GRIK3: variants seen among roughly 807,000 people sequenced by gnomAD.
GRIK3 encodes glutamate ionotropic receptor kainate type subunit 3.
Under a neutral mutation model 102.5 loss-of-function variants are expected in GRIK3, and 29 were observed. The ratio of observed to expected loss-of-function variants is 0.28; its 90% CI spans 0.21 to 0.39. The LOEUF is 0.39. Among genes scored for constraint, GRIK3 ranks in the 10% least tolerant of loss-of-function variants. The probability of loss-of-function intolerance (pLI) is 1.00; values close to 1 mark genes in which losing one functional copy is unlikely to be tolerated. For missense variants in GRIK3, 908 were observed against 1,252.4 expected, an observed-to-expected ratio of 0.73 and a Z score of 4.15; for synonymous variants, 511 against 504.9, an observed-to-expected ratio of 1.01 and a Z score of -0.16.
At chr1:37,020,539 G>A (rs1478649404) in intron 1 of GRIK3, among the ~76,000 whole-genome samples, 10 of 152,056 alleles carry the variant, frequency 6.6e-5, no homozygotes, top group Admixed American at 5.9e-4. Flanking sequence ...TGTGACATTT[G>A]ACAATGGAAT....
chr1:36,985,267 T>A (rs1642292184), intron 1 of GRIK3, among the ~76,000 whole-genome samples: 1 of 152,118 alleles, frequency 6.6e-6, no homozygotes. Flanking sequence ...GACCCTGCCT[T>A]GCCCCCTCCT....
intron 1 of GRIK3, among the ~76,000 whole-genome samples, chr1:36,948,077 C>T (rs1641804046): frequency 2.0e-5 from 3 of 152,188 alleles, no homozygotes; most frequent in Admixed American, 6.5e-5. Flanking sequence ...GCTGTCGGTT[C>T]TTTAAATAAG....
chr1:36,957,137 G>T (rs1312440383), intron 1 of GRIK3, among the ~76,000 whole-genome samples: 1 of 152,244 alleles, frequency 6.6e-6, no homozygotes, highest in Non-Finnish European at 1.5e-5. Flanking sequence ...ACCCTCATCA[G>T]ATTGGCTGAT....
At chr1:36,849,404 G>A (rs1325674940) in intron 9 of GRIK3, among the ~76,000 whole-genome samples, 1 of 152,210 alleles carries the variant, frequency 6.6e-6, no homozygotes, top group South Asian at 2.1e-4. Context: ...CTTTTGTGTA[G>A]AGGAATGACC....
chr1:36,913,004 C>T (rs529290140), intron 1 of GRIK3, among the ~76,000 whole-genome samples: 19 of 152,326 alleles, frequency 1.2e-4, no homozygotes, highest in African/African-American at 3.4e-4. Context: ...TTCTCAAGCC[C>T]TCCGCTACCC....
intron 1 of GRIK3, among the ~76,000 whole-genome samples, chr1:36,941,782 C>A (rs1036825226): frequency 6.6e-6 from 1 of 152,198 alleles, no homozygotes; most frequent in Non-Finnish European, 1.5e-5. Context: ...AACTGAGATG[C>A]ATCCATTGAT....
At chr1:36,853,798 A>G in intron 7 of GRIK3, 76 bp from the exon 8 acceptor site, 1 of 823,052 alleles carries the variant, frequency 1.2e-6, no homozygotes, top group South Asian at 1.4e-5. Flanking sequence ...ACAATGCTTC[A>G]TTTTAATTAC....
chr1:36,992,555 G>A (rs773407395), intron 1 of GRIK3, among the ~76,000 whole-genome samples: 1 of 152,206 alleles, frequency 6.6e-6, no homozygotes, highest in Admixed American at 6.5e-5. Context: ...GCTGTTAAAG[G>A]GGAAGGCAAA....
intron 1 of GRIK3, among the ~76,000 whole-genome samples, chr1:36,958,441 C>CT (rs1641953020): frequency 9.8e-6 from 1 of 101,564 alleles, no homozygotes; most frequent in Non-Finnish European, 2.0e-5. Context: ...CTCTGTGCCC[C>CT]GAGTCTGTGT....
At chr1:36,888,432 T>C (rs1282240894) in intron 2 of GRIK3, among the ~76,000 whole-genome samples, 1 of 152,152 alleles carries the variant, frequency 6.6e-6, no homozygotes, top group Non-Finnish European at 1.5e-5. Flanking sequence ...ATGGTCTATA[T>C]CTTGATTTGG....
intron 1 of GRIK3, among the ~76,000 whole-genome samples, chr1:37,024,895 G>T (rs2124083244): frequency 1.3e-5 from 2 of 152,200 alleles, no homozygotes; most frequent in Middle Eastern, 6.8e-3. Flanking sequence ...CTTCGTTTTT[G>T]CCAGGCATGT....
Position 36,806,389 on chromosome 1 carries a change from G to T in GRIK3, c.2092-63C>A. On this transcript the variant is annotated intron_variant, in intron 13 of 15. Coordinates refer to ENST00000373091, the MANE Select transcript of GRIK3 (RefSeq NM_000831.4). This position sits in a 1 kb window ranked among gnomAD's most constrained non-coding sequence, Gnocchi z 4.0. ...CTAGGCGCACCAGGGACCAAGCACC[G>T]CATACCCTGCACAACGTGGGTTGGG... is the stretch of plus-strand genomic sequence containing the variant. 1.0e-6 allele frequency: 1 copy of T among 980,666 alleles called. No homozygotes were observed. Among genetic ancestry groups the T allele is most frequent in the Non-Finnish European group, 1.6e-6 (1 of 637,024 alleles). 60.7% of individuals were successfully genotyped at this position (980,666 alleles called of 1,614,324 possible).
intron 1 of GRIK3, among the ~76,000 whole-genome samples, chr1:36,930,280 C>T (rs1233428880): frequency 2.6e-5 from 4 of 152,102 alleles, no homozygotes; most frequent in Non-Finnish European, 5.9e-5. Flanking sequence ...TAGGTGTGTG[C>T]ACCCTCTTCA....
chr1:36,801,695 G>T lies in GRIK3; in HGVS notation c.*156C>A, dbSNP rs1258509066. ...CAAGCAGCTGGCCTGAGAGCCTGCT[G>T]GCTTCCTGGCAGGTAAGGGCAGGAG... On this transcript the variant is annotated 3_prime_UTR_variant, in exon 16 of 16. Coordinates refer to ENST00000373091, the MANE Select transcript of GRIK3 (RefSeq NM_000831.4). 1.5e-5 allele frequency: 8 copies of T among 546,878 alleles called. No individual in the cohort carries two copies. The highest frequency in any genetic ancestry group is 2.5e-5 in the Non-Finnish European group (8 of 324,222). The allele number at this position is 546,878 out of a possible 1,614,324, so 33.9% of individuals were successfully genotyped here. A position where few individuals can be genotyped will look rare whatever the true frequency, so the allele number is the denominator to read the frequency against.
At position 36,850,142 on chromosome 1, in the gene GRIK3, G is replaced by A. The variant is rs932064896; in HGVS notation, c.1326+169C>T. Reference sequence around the variant, plus strand: ...GCTTCCGCCCGTGGCAGCGAGCAGCGCTGCTGCGCTCCAGCTGCTCTCTGA... The same window carrying A: ...GCTTCCGCCCGTGGCAGCGAGCAGCACTGCTGCGCTCCAGCTGCTCTCTGA... On this transcript the variant is annotated intron_variant, in intron 9 of 15. Transcript: ENST00000373091. The surrounding 1 kb of genome is among the most constrained non-coding windows in gnomAD (Gnocchi z 4.0). 5.0e-5 allele frequency: 30 copies of A among 597,090 alleles called. No homozygotes were observed. Among genetic ancestry groups the A allele is most frequent in the African/African-American group, 1.9e-5 (1 of 53,872 alleles). 37.0% of individuals were successfully genotyped at this position (597,090 alleles called of 1,614,324 possible). A position where few individuals can be genotyped will look rare whatever the true frequency, so the allele number is the denominator to read the frequency against.
At chr1:36,944,534 C>T (rs546031781) in intron 1 of GRIK3, among the ~76,000 whole-genome samples, 16 of 152,278 alleles carry the variant, frequency 1.1e-4, no homozygotes, top group African/African-American at 3.4e-4. Flanking sequence ...GTTCTCAGTT[C>T]TCTGGACTAA....
intron 1 of GRIK3, among the ~76,000 whole-genome samples, chr1:36,967,189 A>G (rs919081775): frequency 6.6e-6 from 1 of 152,214 alleles, no homozygotes; most frequent in African/African-American, 2.4e-5. Flanking sequence ...CAGTGCTGTG[A>G]TAGAGTGCAA....
chr1:36,810,278 G>A (rs1384434563), intron 13 of GRIK3, among the ~76,000 whole-genome samples: 1 of 152,176 alleles, frequency 6.6e-6, no homozygotes, highest in African/African-American at 2.4e-5. Flanking sequence ...AGGGAACGAA[G>A]TCTCACATAC....
chr1:36,818,976 C>T (rs480970), intron 12 of GRIK3, among the ~76,000 whole-genome samples: 2,292 of 152,262 alleles, frequency 0.015, 50 homozygotes, highest in African/African-American at 0.053. Context: ...GGGCGGTGTC[C>T]TTTCCTGGCT....
Sources: allele counts gnomAD v4.1 joint callset (sites outside exome capture counted in the v4.1 genomes callset), GRCh38; gene constraint gnomAD v4.1.1; non-coding constraint Gnocchi (gnomAD v3.1); transcripts MANE v1.5; gene names NCBI Gene and HGNC (gene_info 2026-07-23, HGNC 2026-07-21).